Variants in GAS2 observed in about 807,000 individuals in gnomAD.
The protein encoded by GAS2 is growth arrest-specific protein 2.
In GAS2, 20 loss-of-function variants were observed where a neutral mutation model predicts 37.5. The observed-to-expected ratio is 0.53, with a 90% CI of 0.37 to 0.77. The LOEUF (loss-of-function observed/expected upper bound fraction) is 0.77. GAS2 is among the 30% of genes least tolerant of loss of function. The probability of loss-of-function intolerance (pLI) is 0.00; values close to 1 mark genes in which losing one functional copy is unlikely to be tolerated. For synonymous variants in GAS2, 144 were observed against 132.2 expected, an observed-to-expected ratio of 1.09 and a Z score of -0.61; for missense variants, 336 against 373.4, an observed-to-expected ratio of 0.90 and a Z score of 0.82.
chr11:22,733,159 A>G (rs916263790), intron 4 of GAS2, among the ~76,000 whole-genome samples: 6 of 151,400 alleles, frequency 4.0e-5, no homozygotes, highest in African/African-American at 1.5e-4. Context: ...TACCTCATAA[A>G]GGAGTGCAAG....
chr11:22,720,993 A>G (rs923546236), intron 3 of GAS2, among the ~76,000 whole-genome samples: 17 of 152,058 alleles, frequency 1.1e-4, no homozygotes, highest in Admixed American at 9.2e-4. Flanking sequence ...TTGGTGGGCT[A>G]TCATGGAACA....
At chr11:22,695,026 A>AAGTG (rs1295058721) in intron 3 of GAS2, among the ~76,000 whole-genome samples, 1 of 152,152 alleles carries the variant, frequency 6.6e-6, no homozygotes, top group Non-Finnish European at 1.5e-5. Flanking sequence ...TGGCTTAAAA[A>AAGTG]AGTGTGGGTT....
chr11:22,653,140 C>T (rs1031355729), intron 1 of GAS2, among the ~76,000 whole-genome samples: 2 of 150,766 alleles, frequency 1.3e-5, no homozygotes, highest in African/African-American at 4.9e-5. Flanking sequence ...TGCCTCGTCT[C>T]CTCTCCTCTC....
rs1590132126 is a variant in GAS2, at chr11:22,788,649, ATG to A, written c.724-23146_724-23145del. Among the ~76,000 whole-genome samples, 8 of 152,318 alleles carry A rather than the reference ATG, an allele frequency of 5.3e-5. No individual in the cohort carries two copies. The East Asian group carries it at 1.5e-3, about 29-fold the overall frequency. ...TTTGTACTAATTGGGGACAGAGCTT[ATG>A]TGATGCTTCATGAATTGCCAGCAAA... is the stretch of plus-strand genomic sequence containing the variant. On this transcript the variant is annotated intron_variant, in intron 7 of 7. Transcript: ENST00000454584.
chr11:22,724,668 T>G, intron 3 of GAS2, among the ~76,000 whole-genome samples: 1 of 152,092 alleles, frequency 6.6e-6, no homozygotes, highest in East Asian at 1.9e-4. Flanking sequence ...ATATATGGTT[T>G]ATATAGCTAT....
At chr11:22,657,960 G>C (rs1173850143) in intron 1 of GAS2, among the ~76,000 whole-genome samples, 4 of 151,354 alleles carry the variant, frequency 2.6e-5, no homozygotes, top group Non-Finnish European at 5.9e-5. Flanking sequence ...CCAACATTTG[G>C]TGTTAGAAAT....
chr11:22,644,279 C>G (rs557350840), intron 1 of GAS2, among the ~76,000 whole-genome samples: 1 of 152,208 alleles, frequency 6.6e-6, no homozygotes, highest in South Asian at 2.1e-4. Flanking sequence ...GGAGCATTTT[C>G]CCCAGAGCTC....
At chr11:22,656,284 T>A (rs1000521882) in intron 1 of GAS2, among the ~76,000 whole-genome samples, 2 of 152,224 alleles carry the variant, frequency 1.3e-5, no homozygotes, top group South Asian at 2.1e-4. Flanking sequence ...GCAACATATG[T>A]CATTAATGAA....
At chr11:22,664,507 G>C (rs1012030035), upstream of GAS2, among the ~76,000 whole-genome samples, 4 of 152,088 alleles carry the variant, frequency 2.6e-5, no homozygotes, top group Non-Finnish European at 4.4e-5. Flanking sequence ...AAACTAAACT[G>C]TTTAAATCTG....
intron 7 of GAS2, among the ~76,000 whole-genome samples, chr11:22,803,470 G>A (rs1856752832): frequency 1.3e-5 from 2 of 152,136 alleles, no homozygotes; most frequent in Admixed American, 1.3e-4. Flanking sequence ...TCACAGATAA[G>A]TAACCAAGCA....
intron 2 of GAS2, among the ~76,000 whole-genome samples, chr11:22,683,848 T>C (rs1849815911): frequency 2.0e-5 from 3 of 152,066 alleles, no homozygotes; most frequent in African/African-American, 4.8e-5. Flanking sequence ...AAAATAATAA[T>C]AAAAAAGATA....
At chr11:22,650,983 C>G (rs1848768336) in intron 1 of GAS2, among the ~76,000 whole-genome samples, 1 of 152,060 alleles carries the variant, frequency 6.6e-6, no homozygotes, top group Non-Finnish European at 1.5e-5. Context: ...GGTTATTTTG[C>G]TCATTAGTTG....
At chr11:22,666,997 CCGGGG>C (rs1849005531) in intron 1 of GAS2, 98 bp downstream of exon 1, 1 of 152,300 alleles carries the variant, frequency 6.6e-6, no homozygotes, top group Non-Finnish European at 1.5e-5. Context: ...TCTACTGCAC[CCGGGG>C]CGGCGGGGGA....
chr11:22,675,012 T>C lies in GAS2; in HGVS notation c.143T>C (p.Leu48Ser), dbSNP rs764118419. ...EDLALWLTNLLGKEITAETFM... is the reference protein window; with the variant it reads ...EDLALWLTNLSGKEITAETFM... ...CTGGCCTTGTGGTTAACCAATCTAT[T>C]AGGTAAGGTTATAAGATCTCATTTT... is the stretch of plus-strand genomic sequence containing the variant. The change falls in exon 2 of 8, where the codon TTA becomes TCA. Residue 48 changes from leucine (L) to serine (S), a missense_variant and splice_region_variant. Physicochemically the swap from Leu to Ser is moderately radical, Grantham distance 145 (BLOSUM62 -2). Coordinates refer to ENST00000454584, the MANE Select transcript of GAS2 (RefSeq NM_001143830.3). 3.2e-5 allele frequency: 51 copies of C among 1,613,346 alleles called. No individual in the cohort carries two copies. Among genetic ancestry groups the C allele is most frequent in the Non-Finnish European group, 4.2e-5 (49 of 1,179,666 alleles).
At chr11:22,792,281 A>G (rs1221089481) in intron 7 of GAS2, among the ~76,000 whole-genome samples, 1 of 152,228 alleles carries the variant, frequency 6.6e-6, no homozygotes, top group Non-Finnish European at 1.5e-5. Context: ...GAAAAAAGAC[A>G]TGGGAATGGG....
At chr11:22,645,778 G>C (rs114368667) in intron 1 of GAS2, among the ~76,000 whole-genome samples, 2,192 of 150,628 alleles carry the variant, frequency 0.015, 50 homozygotes, top group African/African-American at 0.051. Context: ...TTCAGATAAA[G>C]TTTTCTGACT....
At chr11:22,690,181 G>A (rs993743201) in intron 3 of GAS2, among the ~76,000 whole-genome samples, 3 of 152,146 alleles carry the variant, frequency 2.0e-5, no homozygotes, top group Non-Finnish European at 4.4e-5. Flanking sequence ...TGTGAAGTAT[G>A]TCTGTATTAA....
At chr11:22,765,743 C>T (rs1854654758) in intron 7 of GAS2, among the ~76,000 whole-genome samples, 1 of 150,834 alleles carries the variant, frequency 6.6e-6, no homozygotes, top group South Asian at 2.1e-4. Flanking sequence ...CGTGCCACTG[C>T]ACTCCAGCCT....
intron 3 of GAS2, among the ~76,000 whole-genome samples, chr11:22,697,833 G>T (rs931714059): frequency 6.6e-6 from 1 of 152,142 alleles, no homozygotes; most frequent in African/African-American, 2.4e-5. Context: ...ATCAGCTTAA[G>T]GAGATTTTGG....
Sources: gnomAD v4.1 joint callset for allele counts (sites outside exome capture counted in the v4.1 genomes callset) on GRCh38, gnomAD v4.1.1 for gene constraint, MANE v1.5 for transcripts, NCBI Gene and HGNC (gene_info 2026-07-23, HGNC 2026-07-21) for gene names.